The following PPP1R12C variants were observed in gnomAD, a reference collection of about 807,000 sequenced individuals.
PPP1R12C encodes protein phosphatase 1 regulatory subunit 12C, also known as leukocyte receptor cluster (LRC) encoded novel gene 3.
Under a neutral mutation model 95.6 loss-of-function variants are expected in PPP1R12C, and 48 were observed. The observed-to-expected ratio is 0.50, with a 90% CI of 0.40 to 0.64. The LOEUF is 0.64. Among genes scored for constraint, PPP1R12C ranks in the 30% least tolerant of loss-of-function variants. The pLI is 0.00. For synonymous variants in PPP1R12C, 480 were observed against 460.8 expected, an observed-to-expected ratio of 1.04 and a Z score of -0.53; for missense variants, 1,057 against 1,083.3, an observed-to-expected ratio of 0.98 and a Z score of 0.34.
chr19:55,117,537 C>T lies in PPP1R12C; in HGVS notation c.7G>A (p.Gly3Arg), dbSNP rs2085169659. The T allele has an allele frequency of 2.0e-6, 2 of 1,007,220 alleles. No individual in the cohort carries two copies. Among genetic ancestry groups the T allele is most frequent in the Non-Finnish European group, 2.4e-6 (2 of 846,952 alleles). The allele number at this position is 1,007,220 out of a possible 1,614,324, so 62.4% of individuals were successfully genotyped here. The change falls in exon 1 of 22, where the codon GGA becomes AGA. Residue 3 changes from glycine (G) to arginine (R), a missense_variant. Coordinates refer to ENST00000263433, the MANE Select transcript of PPP1R12C (RefSeq NM_017607.4). The stretch of plus-strand genomic sequence containing the variant: ...GGGCCAGCCGCCGGGCCATCCTCTC[C>T]GGACATCGCACCGCCCGCCCGCCCA... Reference protein sequence around the residue: MSGEDGPAAGPGA... With the variant: MSREDGPAAGPGA...
chr19:55,112,420 G>A (rs896490537), intron 3 of PPP1R12C, 47 bp downstream of exon 3: 23 of 1,537,288 alleles, frequency 1.5e-5, no homozygotes, highest in South Asian at 5.7e-5. Flanking sequence ...TGGAGACCAC[G>A]GGTGAGGAGG....
intron 6 of PPP1R12C, among the ~76,000 whole-genome samples, chr19:55,098,012 C>T (rs1333523395): frequency 6.6e-6 from 1 of 152,172 alleles, no homozygotes. Flanking sequence ...TCTCCTACAT[C>T]CATCAGCCTC....
chr19:55,092,377 G>A lies in PPP1R12C; in HGVS notation c.2056-51C>T, dbSNP rs1311707223. The A allele has an allele frequency of 5.1e-6, 8 of 1,567,756 alleles. No individual in the cohort carries two copies. In the African/African-American group the frequency reaches 6.8e-5, roughly 13 times the overall value. On this transcript the variant is annotated intron_variant, in intron 18 of 21. Coordinates refer to ENST00000263433, the MANE Select transcript of PPP1R12C (RefSeq NM_017607.4). ...GGTGGAGGATGGGGCGATGCTGGGG[G>A]GGCGGGGAAGCCAGGAAGCTGGGCA...
rs1478922326 is a variant in PPP1R12C, at chr19:55,100,900, C to T, written c.732-1805G>A. On this transcript the variant is annotated intron_variant, in intron 4 of 21. Transcript: ENST00000263433. ...GTGCTGGGATTACAGGCGTGATCCA[C>T]CACGCCCAGCCTGCAACAGATCTTT... Among the ~76,000 whole-genome samples the T allele has an allele frequency of 3.9e-5, 6 of 152,274 alleles. No individual in the cohort carries two copies. The South Asian group carries it at 1.2e-3, about 32-fold the overall frequency.
At chr19:55,110,765 A>G (rs2085086651) in intron 3 of PPP1R12C, among the ~76,000 whole-genome samples, 1 of 152,002 alleles carries the variant, frequency 6.6e-6, no homozygotes, top group East Asian at 1.9e-4. Context: ...TCAGCTACCC[A>G]GAAGCTGAGG....
At chr19:55,108,191 C>T (rs2085059043) in intron 3 of PPP1R12C, among the ~76,000 whole-genome samples, 1 of 152,048 alleles carries the variant, frequency 6.6e-6, no homozygotes, top group South Asian at 2.1e-4. Context: ...CCACCTCGGC[C>T]TCCCAAAGTG....
intron 3 of PPP1R12C, among the ~76,000 whole-genome samples, chr19:55,108,699 T>C (rs898132730): frequency 1.3e-5 from 2 of 152,108 alleles, no homozygotes; most frequent in Non-Finnish European, 2.9e-5. Flanking sequence ...GTGTTTTTTG[T>C]TTTGTCTTGT....
In PPP1R12C at chr19:55,093,073, G is replaced by A. The variant is rs113908581; in HGVS notation, c.1768C>T (p.Pro590Ser). 3.1e-6 allele frequency: 5 copies of A among 1,606,254 alleles called. No homozygotes were observed. Among genetic ancestry groups the A allele is most frequent in the East Asian group, 4.5e-5 (2 of 44,826 alleles). Reference sequence around the variant, plus strand: ...CCAGGGACGCGGGGCCTTCGGGAAGGGTCCTGTCGGGAGGGGGAGGCGAGT... The same window carrying A: ...CCAGGGACGCGGGGCCTTCGGGAAGAGTCCTGTCGGGAGGGGGAGGCGAGT... ...ESEKPAQSLD[P>S]SRRPRVPGVE... Residue 590 changes from proline to serine, a missense_variant, in exon 15 of 22, where the codon CCT (proline) becomes TCT (serine). This residue lies in a region of PPP1R12C where 347 missense variants were observed against 307.9 expected (regional missense o/e 1.13). Transcript: ENST00000263433.
rs1212283840 is a variant in PPP1R12C, at chr19:55,092,204, T to C, written c.2160+18A>G. 2 of 1,546,384 alleles carry C rather than the reference T, an allele frequency of 1.3e-6. No individual in the cohort carries two copies. Among genetic ancestry groups the C allele is most frequent in the African/African-American group, 2.7e-5 (2 of 73,310 alleles). On this transcript the variant is annotated intron_variant, in intron 19 of 21. Transcript: ENST00000263433. ...GCGGCCCTGCCAGTTCCCGTGACCCTGGCCTCGGCGCCCTTACCTGCGTGG... is the reference window on the plus strand; with the variant it reads ...GCGGCCCTGCCAGTTCCCGTGACCCCGGCCTCGGCGCCCTTACCTGCGTGG...
intron 3 of PPP1R12C, among the ~76,000 whole-genome samples, chr19:55,106,259 G>C (rs1195365824): frequency 2.0e-5 from 3 of 152,152 alleles, no homozygotes; most frequent in African/African-American, 7.2e-5. Context: ...ATCCTCTTTG[G>C]TGTGGGCTCC....
rs1464480870 is a variant in PPP1R12C at position 55,095,564 on chromosome 19, G to A, written c.1267C>T (p.Leu423=). The A allele has an allele frequency of 5.7e-6, 9 of 1,588,776 alleles. No individual in the cohort carries two copies. In the East Asian group the frequency reaches 9.0e-5, roughly 16 times the overall value. Residue 423 remains leucine (L), a synonymous_variant, in exon 10 of 22, where the codon CTG becomes TTG. Coordinates refer to ENST00000263433, the MANE Select transcript of PPP1R12C (RefSeq NM_017607.4). ...AGGGCACCAGAACTCCCTGTCTTCA[G>A]GAGGCCAAAGCGCCTGGAGAAGGGG... ...EAPFSRRFGL[L]KTGSSGALGP... is the part of the protein sequence containing the mutation.
chr19:55,117,095 A>T, intron 1 of PPP1R12C, 128 bp downstream of exon 1: 1 of 774,992 alleles, frequency 1.3e-6, no homozygotes, highest in Non-Finnish European at 1.7e-6. Flanking sequence ...GTGTCAGCAT[A>T]GGGTGGCAAA....
At chr19:55,096,708 C>T (rs926899020) in intron 6 of PPP1R12C, 2 of 388,808 alleles carry the variant, frequency 5.1e-6, no homozygotes, top group South Asian at 2.3e-5. Context: ...AGCCGGCACT[C>T]GCCTCCTCCT....
At chr19:55,104,672 TG>T (rs1187112876) in intron 3 of PPP1R12C, among the ~76,000 whole-genome samples, 2 of 150,880 alleles carry the variant, frequency 1.3e-5, no homozygotes, top group Admixed American at 1.3e-4. Flanking sequence ...CACTCCAGCC[TG>T]GGTGATAGAG....
Position 55,092,020 on chromosome 19 carries a change from T to TCCCCCACGGGCCAGGCCCC in PPP1R12C, c.2161-112_2161-111insGGGGCCTGGCCCGTGGGGG. The TCCCCCACGGGCCAGGCCCC allele has an allele frequency of 2.2e-6, 3 of 1,368,608 alleles. No homozygotes were observed. In the South Asian group the frequency reaches 3.6e-5, roughly 16 times the overall value. The allele number at this position is 1,368,608 out of a possible 1,614,324, so 84.8% of individuals were successfully genotyped here. A position where few individuals can be genotyped will look rare whatever the true frequency, so the allele number is the denominator to read the frequency against. On this transcript the variant is annotated intron_variant, in intron 19 of 21. Transcript: ENST00000263433. Reference sequence around the variant, plus strand: ...CGCCCACTAGGCAGCCCACAAGCCCTTCCCCCACGGGCCAGGCCCCGCCAC... The same window carrying TCCCCCACGGGCCAGGCCCC: ...CGCCCACTAGGCAGCCCACAAGCCCTCCCCCACGGGCCAGGCCCCTCCCCCACGGGCCAGGCCCCGCCAC...
chr19:55,113,667 A>G lies in PPP1R12C; in HGVS notation c.322-872T>C, dbSNP rs1231745804. On this transcript the variant is annotated intron_variant, in intron 1 of 21. Transcript: ENST00000263433. Reference sequence around the variant, plus strand: ...GGATAAATTACCCCCCAAGTCCCTCACCTCTCCAAAGCTGCCCATCTGGAG... The same window carrying G: ...GGATAAATTACCCCCCAAGTCCCTCGCCTCTCCAAAGCTGCCCATCTGGAG... 4.3e-6 allele frequency: 5 copies of G among 1,161,988 alleles called. No individual in the cohort carries two copies. The Admixed American group carries it at 2.1e-4, about 49-fold the overall frequency. 72.0% of individuals were successfully genotyped at this position (1,161,988 alleles called of 1,614,324 possible). A position where few individuals can be genotyped will look rare whatever the true frequency, so the allele number is the denominator to read the frequency against.
chr19:55,113,659 A>T, intron 1 of PPP1R12C: 1 of 1,198,324 alleles, frequency 8.3e-7, no homozygotes, highest in Non-Finnish European at 1.1e-6. Flanking sequence ...TTACCCCCCA[A>T]GTCCCTCACC....
intron 11 of PPP1R12C, 120 bp from the exon 12 acceptor site, chr19:55,094,918 G>A (rs2084892595): frequency 3.3e-6 from 4 of 1,201,750 alleles, no homozygotes; most frequent in East Asian, 5.1e-5. Flanking sequence ...GAGCTGAGCA[G>A]AAATACACAA....
In PPP1R12C at chr19:55,096,052, G is replaced by A. The variant is rs767448874; in HGVS notation, c.1152C>T (p.Thr384=). The change falls in exon 8 of 22, where the codon ACC becomes ACT. Residue 384 remains threonine (T), a splice_region_variant and synonymous_variant. Coordinates refer to ENST00000263433, the MANE Select transcript of PPP1R12C (RefSeq NM_017607.4). ...GGAGTCCAGATTCAGGCCCCTCACC[G>A]GTGGGACCTTCTTCCCCCTCATCCT... The part of the protein sequence containing the change: ...QDEDEGEEGP[T]EPPPAEPRTL... The A allele has an allele frequency of 6.8e-6, 11 of 1,609,274 alleles. No individual in the cohort carries two copies. The highest frequency in any genetic ancestry group is 1.3e-5 in the African/African-American group (1 of 74,956).
Sources: gnomAD v4.1 joint callset for allele counts (sites outside exome capture counted in the v4.1 genomes callset) on GRCh38, gnomAD v4.1.1 for gene constraint, gnomAD v4.1.1 regional missense constraint, MANE v1.5 for transcripts, NCBI Gene and HGNC (gene_info 2026-07-23, HGNC 2026-07-21) for gene names.